Variants in CASP6 observed in about 807,000 individuals in gnomAD.
CASP6 encodes the protein caspase-6.
A neutral mutation model predicts 31.8 loss-of-function variants in CASP6; 20 were observed. The observed-to-expected ratio is 0.63, with a 90% CI of 0.44 to 0.91. The LOEUF (loss-of-function observed/expected upper bound fraction) is 0.91, where lower values mean the gene tolerates loss of function less well. CASP6 is among the 40% of genes least tolerant of loss of function. CASP6 has a pLI of 0.00. For synonymous variants in CASP6, 130 were observed against 127.8 expected, an observed-to-expected ratio of 1.02 and a Z score of -0.12; for missense variants, 328 against 361.1, an observed-to-expected ratio of 0.91 and a Z score of 0.74.
chr4:109,706,170 T>TATATATAC (rs1452145399), upstream of CASP6, among the ~76,000 whole-genome samples: 57 of 88,998 alleles, frequency 6.4e-4, no homozygotes, highest in Non-Finnish European at 9.1e-4. Context: ...TATATATATA[T>TATATATAC]ACACACACAC....
chr4:109,684,474 C>T, downstream of CASP6: 1 of 1,612,838 alleles, frequency 6.2e-7, no homozygotes. Flanking sequence ...CATTCGGAAG[C>T]CAAAACCAGT....
At chr4:109,695,215 A>T (rs5030572) in intron 4 of CASP6, among the ~76,000 whole-genome samples, 3,915 of 152,208 alleles carry the variant, frequency 0.026, 164 homozygotes, top group African/African-American at 0.089. Context: ...TTATTTTTTT[A>T]AAAAAATCCA....
chr4:109,688,581 A>G (rs963271389), downstream of CASP6: 3 of 152,230 alleles, frequency 2.0e-5, no homozygotes, highest in African/African-American at 7.2e-5. Flanking sequence ...ACATCTATCA[A>G]TTACACAAAT....
At position 109,697,669 on chromosome 4, in the gene CASP6, C is replaced by T. The variant is rs1468693187; in HGVS notation, c.183G>A (p.Leu61=). ...CTGCGCAGGTGCCCCGCCTTTCTGG[C>T]AGTGTTAAGTGCCAAAAGAACCTCT... The part of the protein sequence containing the change: ...NHERFFWHLT[L]PERRGTCADR... Residue 61 remains leucine (L), a synonymous_variant, in exon 3 of 7, where the codon CTG becomes CTA. Transcript: ENST00000265164. 1.2e-6 allele frequency: 2 copies of T among 1,613,770 alleles called. No individual in the cohort carries two copies. The highest frequency in any genetic ancestry group is 1.7e-4 in the Middle Eastern group (1 of 6,060).
At chr4:109,678,231 A>G in the CASP6 span, among the ~76,000 whole-genome samples, 1 of 151,986 alleles carries the variant, frequency 6.6e-6, no homozygotes, top group Non-Finnish European at 1.5e-5. Context: ...GCACAGACAC[A>G]GTAACAATCT....
chr4:109,709,125 ATTAG>A, the CASP6 span, among the ~76,000 whole-genome samples: 1 of 152,240 alleles, frequency 6.6e-6, no homozygotes, highest in Non-Finnish European at 1.5e-5. Context: ...CTTTCAGTAC[ATTAG>A]TTATTTTCAG....
chr4:109,666,343 TGA>T, the CASP6 span, among the ~76,000 whole-genome samples: 2 of 152,180 alleles, frequency 1.3e-5, no homozygotes, highest in Admixed American at 6.5e-5. Context: ...GCACATATGG[TGA>T]GAGTGTTTAG....
chr4:109,701,102 C>T (rs1215407756), intron 1 of CASP6, among the ~76,000 whole-genome samples: 1 of 152,030 alleles, frequency 6.6e-6, no homozygotes, highest in Non-Finnish European at 1.5e-5. Flanking sequence ...GGATTACAGG[C>T]ATGCGCCACC....
downstream of CASP6, chr4:109,687,419 T>C (rs1487195666): frequency 2.5e-6 from 2 of 809,106 alleles, no homozygotes; most frequent in Non-Finnish European, 4.2e-6. Context: ...TTTATTGCTG[T>C]AAGGAGACGC....
rs1730029454 is a variant in CASP6, at chr4:109,690,867, C to T, written c.626G>A (p.Cys209Tyr). ...CCACACACCTTCTGCAACAGAGTAACACATGAGGAAGTCAGCTCCAGCAGG... is the reference window on the plus strand; with the variant it reads ...CCACACACCTTCTGCAACAGAGTAATACATGAGGAAGTCAGCTCCAGCAGG... ...TLPAGADFLM[C>Y]YSVAEGYYSH... Residue 209 changes from cysteine (C) to tyrosine (Y), a missense_variant, in exon 6 of 7, where the codon TGT becomes TAT. Coordinates refer to ENST00000265164, the MANE Select transcript of CASP6 (RefSeq NM_001226.4). 1 of 1,611,260 alleles carries T rather than the reference C, an allele frequency of 6.2e-7. No individual in the cohort carries two copies. The highest frequency in any genetic ancestry group is 8.5e-7 in the Non-Finnish European group (1 of 1,178,760).
At chr4:109,676,804 C>T in the CASP6 span, among the ~76,000 whole-genome samples, 5 of 152,310 alleles carry the variant, frequency 3.3e-5, no homozygotes, top group African/African-American at 9.6e-5. Flanking sequence ...AAATTCTAAG[C>T]AAAATATTGA....
the CASP6 span, chr4:109,664,442 A>G: frequency 6.0e-5 from 42 of 694,884 alleles, no homozygotes; most frequent in South Asian, 6.2e-4. Flanking sequence ...TTTTTTTTAG[A>G]TGAATTCTCA....
the CASP6 span, chr4:109,682,920 C>A: frequency 1.8e-6 from 1 of 547,396 alleles, no homozygotes; most frequent in Non-Finnish European, 3.2e-6. Flanking sequence ...GGAAACTGAG[C>A]AACAGAGCTG....
chr4:109,677,750 C>A, the CASP6 span, among the ~76,000 whole-genome samples: 2 of 143,934 alleles, frequency 1.4e-5, no homozygotes, highest in African/African-American at 5.2e-5. Context: ...GTGCATTGAT[C>A]TTGGATTTCC....
chr4:109,697,273 T>C (rs1730275773), intron 3 of CASP6, among the ~76,000 whole-genome samples: 1 of 152,096 alleles, frequency 6.6e-6, no homozygotes, highest in South Asian at 2.1e-4. Context: ...AAAAAAATTA[T>C]TTTATTTTTT....
At chr4:109,672,004 G>A in the CASP6 span, among the ~76,000 whole-genome samples, 2 of 151,986 alleles carry the variant, frequency 1.3e-5, no homozygotes, top group African/African-American at 2.4e-5. Flanking sequence ...TCTGTGCCTT[G>A]TATAAAACTG....
upstream of CASP6, among the ~76,000 whole-genome samples, chr4:109,705,013 A>G (rs1730554701): frequency 6.6e-6 from 1 of 152,186 alleles, no homozygotes; most frequent in Admixed American, 6.5e-5. Flanking sequence ...CCAAAACAAC[A>G]GATCTTAAAT....
chr4:109,707,035 A>G (rs1561267258), upstream of CASP6, among the ~76,000 whole-genome samples: 4 of 152,364 alleles, frequency 2.6e-5, no homozygotes, highest in Non-Finnish European at 1.5e-5. Flanking sequence ...ACCAACATTT[A>G]TAACTCGCTG....
At chr4:109,698,531 C>G (rs1328999722) in intron 1 of CASP6, among the ~76,000 whole-genome samples, 189 bp from the exon 2 acceptor site, 1 of 152,150 alleles carries the variant, frequency 6.6e-6, no homozygotes, top group Non-Finnish European at 1.5e-5. Flanking sequence ...TATAACAGCT[C>G]TATGCTTTCT....
Sources: gnomAD v4.1 joint callset for allele counts (sites outside exome capture counted in the v4.1 genomes callset) on GRCh38, gnomAD v4.1.1 for gene constraint, MANE v1.5 for transcripts, NCBI Gene and HGNC (gene_info 2026-07-23, HGNC 2026-07-21) for gene names.